PDE1A: variants seen among roughly 807,000 people sequenced by gnomAD.
PDE1A encodes phosphodiesterase 1A.
In PDE1A, 35 loss-of-function variants were observed where a neutral mutation model predicts 61.7. The observed-to-expected ratio is 0.57, with a 90% CI of 0.43 to 0.75. The LOEUF is 0.75. Ranked by LOEUF, PDE1A falls within the 30% of genes least tolerant of loss-of-function variation. The pLI is 0.00. For synonymous variants in PDE1A, 232 were observed against 213.2 expected, an observed-to-expected ratio of 1.09 and a Z score of -0.77; for missense variants, 597 against 630.6, an observed-to-expected ratio of 0.95 and a Z score of 0.57.
Position 182,454,881 on chromosome 2 carries a change from G to T in PDE1A, c.101+67395C>A, listed in dbSNP as rs1016539015. Among the ~76,000 whole-genome samples the T allele has an allele frequency of 2.2e-4, 28 of 127,274 alleles. 2 individuals are homozygous for T. Among genetic ancestry groups the T allele is most frequent in the Non-Finnish European group, 2.2e-4 (12 of 54,922 alleles). 83.5% of individuals were successfully genotyped at this position (127,274 alleles called of 152,430 possible). A position where few individuals can be genotyped will look rare whatever the true frequency, so the allele number is the denominator to read the frequency against. On this transcript the variant is annotated intron_variant, in intron 2 of 14. Coordinates refer to the PDE1A transcript ENST00000410103. The stretch of plus-strand genomic sequence containing the variant: ...GGGCAAGGACTTCACAAAAGCAATG[G>T]CAACAAAAGACAAAATTGACAAATG...
chr2:182,624,510 C>A, the PDE1A span, among the ~76,000 whole-genome samples: 1 of 152,166 alleles, frequency 6.6e-6, no homozygotes, highest in Non-Finnish European at 1.5e-5. Flanking sequence ...TCCAATAGCA[C>A]TTTTTAAAAG....
chr2:182,238,851 G>A (rs992440773), intron 3 of PDE1A, among the ~76,000 whole-genome samples: 1 of 152,096 alleles, frequency 6.6e-6, no homozygotes, highest in African/African-American at 2.4e-5. Context: ...TCTCTTGAAT[G>A]GAAATGGAAA....
the PDE1A span, among the ~76,000 whole-genome samples, chr2:182,532,246 T>A: frequency 6.6e-6 from 1 of 152,186 alleles, no homozygotes; most frequent in Non-Finnish European, 1.5e-5. Context: ...GGATATTAAA[T>A]ATACCCAATA....
intron 1 of PDE1A, among the ~76,000 whole-genome samples, chr2:182,382,744 G>A (rs1360561451): frequency 2.0e-5 from 3 of 151,716 alleles, no homozygotes; most frequent in Non-Finnish European, 4.4e-5. Flanking sequence ...TTCTTTTGGA[G>A]CAAAATATTC....
At chr2:182,191,917 G>A (rs532584346) in intron 10 of PDE1A, among the ~76,000 whole-genome samples, 2 of 151,196 alleles carry the variant, frequency 1.3e-5, no homozygotes, top group Admixed American at 6.6e-5. Context: ...GTGCAATGGC[G>A]CAATCTTGGT....
chr2:182,541,296 C>T, the PDE1A span, among the ~76,000 whole-genome samples: 2 of 152,200 alleles, frequency 1.3e-5, no homozygotes, highest in Non-Finnish European at 2.9e-5. Context: ...TCTGGCCCTA[C>T]TCCTTGCTAA....
the PDE1A span, among the ~76,000 whole-genome samples, chr2:182,652,946 C>G: frequency 6.6e-6 from 1 of 152,198 alleles, no homozygotes; most frequent in African/African-American, 2.4e-5. Context: ...ACTGCAATTT[C>G]TGGTTCATCA....
intron 1 of PDE1A, among the ~76,000 whole-genome samples, chr2:182,276,652 G>A (rs540814870): frequency 4.8e-4 from 73 of 152,188 alleles, no homozygotes; most frequent in African/African-American, 1.7e-3. Context: ...TAGGGAACAA[G>A]GGAAGACAAC....
the PDE1A span, among the ~76,000 whole-genome samples, chr2:182,620,179 ATTTC>A: frequency 9.2e-5 from 11 of 119,590 alleles, no homozygotes; most frequent in African/African-American, 2.6e-4. Context: ...AAATGTATTT[ATTTC>A]TTTATTTAAT....
At chr2:182,521,133 A>G (rs919563154) in intron 2 of PDE1A, among the ~76,000 whole-genome samples, 2 of 152,074 alleles carry the variant, frequency 1.3e-5, no homozygotes, top group African/African-American at 4.8e-5. Context: ...ACAATATTTA[A>G]ATACACAAAC....
intron 2 of PDE1A, among the ~76,000 whole-genome samples, chr2:182,482,510 C>T (rs1262067309): frequency 6.9e-6 from 1 of 145,202 alleles, no homozygotes; most frequent in Non-Finnish European, 1.5e-5. Flanking sequence ...ACAGTCTCCA[C>T]AAAAAAAAAA....
At chr2:182,632,815 A>G in the PDE1A span, among the ~76,000 whole-genome samples, 1 of 152,204 alleles carries the variant, frequency 6.6e-6, no homozygotes, top group Non-Finnish European at 1.5e-5. Flanking sequence ...CAAGTTCAGG[A>G]TATTATAAAA....
chr2:182,469,215 A>G (rs1372616992), intron 2 of PDE1A, among the ~76,000 whole-genome samples: 3 of 151,926 alleles, frequency 2.0e-5, no homozygotes, highest in Non-Finnish European at 2.9e-5. Context: ...TTCTTCCAAT[A>G]GAAATCTGTG....
At chr2:182,635,421 C>A in the PDE1A span, among the ~76,000 whole-genome samples, 1 of 151,834 alleles carries the variant, frequency 6.6e-6, no homozygotes, top group South Asian at 2.1e-4. Flanking sequence ...TTTCCTGGAC[C>A]TTTTTTGTTT....
the PDE1A span, among the ~76,000 whole-genome samples, chr2:182,597,572 A>T: frequency 6.6e-6 from 1 of 152,210 alleles, no homozygotes; most frequent in East Asian, 1.9e-4. Context: ...TAAAGAATAC[A>T]GGGGTAGAGA....
chr2:182,142,729 A>C (rs1048165026), downstream of PDE1A: 1 of 152,252 alleles, frequency 6.6e-6, no homozygotes, highest in Non-Finnish European at 1.5e-5. Flanking sequence ...TGTATTGCAC[A>C]GTCATTATGA....
intron 1 of PDE1A, among the ~76,000 whole-genome samples, chr2:182,294,636 A>C (rs1042423574): frequency 6.6e-6 from 1 of 152,200 alleles, no homozygotes; most frequent in Non-Finnish European, 1.5e-5. Context: ...TTTCAGCATC[A>C]GCTAATCGGG....
intron 4 of PDE1A, among the ~76,000 whole-genome samples, chr2:182,233,808 C>T (rs1689778362): frequency 7.5e-6 from 1 of 132,622 alleles, no homozygotes; most frequent in Non-Finnish European, 1.6e-5. Flanking sequence ...CACACACACA[C>T]ACACACAATG....
chr2:182,624,599 C>A, the PDE1A span, among the ~76,000 whole-genome samples: 1 of 152,152 alleles, frequency 6.6e-6, no homozygotes, highest in African/African-American at 2.4e-5. Flanking sequence ...CTGTTCCTGG[C>A]AACCATGAGC....
Sources: gnomAD v4.1 joint callset for allele counts (sites outside exome capture counted in the v4.1 genomes callset) on GRCh38, gnomAD v4.1.1 for gene constraint, MANE v1.5 for transcripts, NCBI Gene and HGNC (gene_info 2026-07-23, HGNC 2026-07-21) for gene names.